The following PLB1 variants were observed in gnomAD, a reference collection of about 807,000 sequenced individuals.
PLB1 encodes the protein phospholipase B1, also known as phospholipase B1, membrane-associated.
In PLB1, 242 loss-of-function variants were observed where a neutral mutation model predicts 227.4. The ratio of observed to expected loss-of-function variants is 1.06; its 90% CI spans 0.96 to 1.18. PLB1 has a LOEUF of 1.18. PLB1 is among the 50% of genes most tolerant of loss of function. The pLI, the probability that PLB1 is intolerant of heterozygous loss-of-function variation, is 0.00. For synonymous variants in PLB1, 757 were observed against 682.2 expected (o/e 1.11, Z -1.71); for missense variants, 1,858 against 1,816.3 (o/e 1.02, Z -0.42).
intron 18 of PLB1, among the ~76,000 whole-genome samples, chr2:28,563,673 C>T (rs1676399092): frequency 6.6e-6 from 1 of 152,072 alleles, no homozygotes; most frequent in Non-Finnish European, 1.5e-5. Context: ...CATCCCAGAC[C>T]CTGCAAAGCA....
intron 1 of PLB1, among the ~76,000 whole-genome samples, chr2:28,508,808 C>T (rs1667914369): frequency 6.6e-6 from 1 of 152,158 alleles, no homozygotes; most frequent in Admixed American, 6.5e-5. Flanking sequence ...GGTCATAAAC[C>T]CTGCCCCTAA....
rs1686910600 is a variant in PLB1, at chr2:28,620,637, C to A, written c.3421C>A (p.Leu1141Met). 3.1e-6 allele frequency: 5 copies of A among 1,613,998 alleles called. No homozygotes were observed. The African/African-American group carries it at 5.3e-5, about 17-fold the overall frequency. ...TGGGAACTTGGAGACTCACACCACA[C>A]TGCCCAGTAAGTAGCAGCCCAGAGA... ...GDGNLETHTT[L>M]PNILKKFNPY... Residue 1141 changes from leucine to methionine, a missense_variant, in exon 48 of 58, where the codon CTG (leucine) becomes ATG (methionine). Physicochemically the swap from Leu to Met is conservative, Grantham distance 15. Coordinates refer to ENST00000327757, the MANE Select transcript of PLB1 (RefSeq NM_153021.5).
chr2:28,607,139 T>G (rs1684793886), intron 43 of PLB1, among the ~76,000 whole-genome samples: 1 of 152,166 alleles, frequency 6.6e-6, no homozygotes. Context: ...AAGTGGTTGT[T>G]AAGCTTGACT....
intron 14 of PLB1, among the ~76,000 whole-genome samples, chr2:28,547,815 A>G (rs1471323662): frequency 1.3e-5 from 2 of 151,676 alleles, no homozygotes; most frequent in African/African-American, 4.9e-5. Flanking sequence ...AAGTGTTTAT[A>G]TATGTATAAT....
chr2:28,588,260 T>G (rs1681258504), intron 26 of PLB1, among the ~76,000 whole-genome samples: 1 of 152,150 alleles, frequency 6.6e-6, no homozygotes, highest in Non-Finnish European at 1.5e-5. Flanking sequence ...GAGTAACCAG[T>G]AGCGTTGGAA....
chr2:28,528,941 CTTTTTTTTTTTTT>C (rs201087238), intron 6 of PLB1, among the ~76,000 whole-genome samples: 28 of 109,432 alleles, frequency 2.6e-4, no homozygotes, highest in African/African-American at 9.6e-4. Context: ...GGGAGTCAGT[CTTTTTTTTTTTTT>C]TTTTTTTTTT....
In PLB1 at chr2:28,608,352, C is replaced by T. The variant is rs570835636; in HGVS notation, c.3129+1785C>T. 6.6e-5 allele frequency among the ~76,000 whole-genome samples: 10 copies of T among 152,346 alleles called. No homozygotes were observed. The South Asian group carries it at 1.9e-3, about 28-fold the overall frequency. ...CATCTCAGTGTGAGCTGACAGGGGC[C>T]AGGCAGCACCTATTTTTGTCCTAGA... On this transcript the variant is annotated intron_variant, in intron 43 of 57. Coordinates refer to ENST00000327757, the MANE Select transcript of PLB1 (RefSeq NM_153021.5).
intron 1 of PLB1, among the ~76,000 whole-genome samples, chr2:28,511,802 T>TTTTTTTTTTTTATGGG (rs1668293619): frequency 6.6e-6 from 1 of 151,142 alleles, no homozygotes; most frequent in African/African-American, 2.4e-5. Flanking sequence ...TTTTTTTTTT[T>TTTTTTTTTTTTATGGG]GAGATGGAGT....
chr2:28,589,470 T>C lies in PLB1; in HGVS notation c.1836T>C (p.Ile612=). 1 of 1,613,838 alleles carries C rather than the reference T, an allele frequency of 6.2e-7. No homozygotes were observed. Among genetic ancestry groups the C allele is most frequent in the East Asian group, 2.2e-5 (1 of 44,874 alleles). Residue 612 remains isoleucine, a synonymous_variant, in exon 27 of 58, where the codon ATT becomes ATC. Transcript: ENST00000327757. Reference sequence around the variant, plus strand: ...TGCAGGAGAAGACCCACCAACTGATTGAGAGTGGGCGATATGACACAAGGG... The same window carrying C: ...TGCAGGAGAAGACCCACCAACTGATCGAGAGTGGGCGATATGACACAAGGG... ...KKFQEKTHQL[I]ESGRYDTRED...
intron 37 of PLB1, among the ~76,000 whole-genome samples, chr2:28,601,651 G>A (rs1452777326): frequency 6.6e-6 from 1 of 152,192 alleles, no homozygotes; most frequent in African/African-American, 2.4e-5. Context: ...ATTGGAAGGA[G>A]GAGTCTCCAC....
chr2:28,625,186 C>A, intron 50 of PLB1, 78 bp downstream of exon 50: 2 of 1,350,908 alleles, frequency 1.5e-6, no homozygotes, highest in Non-Finnish European at 2.1e-6. Context: ...CCATAAGGGT[C>A]CCTCTCACCA....
intron 56 of PLB1, among the ~76,000 whole-genome samples, chr2:28,635,983 T>C (rs115088531): frequency 2.6e-5 from 4 of 151,792 alleles, no homozygotes; most frequent in African/African-American, 4.8e-5. Context: ...TTCAGGGACA[T>C]TGTGTATGTG....
At chr2:28,619,451 AG>A (rs1686680533) in intron 46 of PLB1, among the ~76,000 whole-genome samples, 1 of 150,710 alleles carries the variant, frequency 6.6e-6, no homozygotes, top group Non-Finnish European at 1.5e-5. Flanking sequence ...TTCTTAAGGT[AG>A]GGGTAGATTA....
chr2:28,548,726 T>G, intron 14 of PLB1, 134 bp from the exon 15 acceptor site: 1 of 798,944 alleles, frequency 1.3e-6, no homozygotes, highest in Non-Finnish European at 2.1e-6. Context: ...AGTTTGGGGA[T>G]GGGGGCTGGA....
At chr2:28,530,591 C>T (rs545118431) in intron 8 of PLB1, among the ~76,000 whole-genome samples, 2 of 152,202 alleles carry the variant, frequency 1.3e-5, no homozygotes, top group East Asian at 1.9e-4. Context: ...CCTAACAGTT[C>T]GTATACTATT....
At position 28,590,011 on chromosome 2, in the gene PLB1, C is replaced by A. The variant is rs751363350; in HGVS notation, c.2023C>A (p.Pro675Thr). The A allele has an allele frequency of 1.2e-6, 2 of 1,613,398 alleles. No individual in the cohort carries two copies. The highest frequency in any genetic ancestry group is 1.1e-5 in the South Asian group (1 of 91,064). ...ASALWNNMLE[P>T]VGQKTTRHKF... ...TCCCTGCTTCTTTGTTTAGCTGGAG[C>A]CTGTTGGCCAGAAGACGACTCGTCA... The change falls in exon 29 of 58, where the codon CCT becomes ACT. Residue 675 changes from proline (P) to threonine (T), a missense_variant. By Grantham distance (38) the Pro-to-Thr change is conservative. Transcript: ENST00000327757.
At chr2:28,615,222 C>T (rs967753421) in intron 44 of PLB1, among the ~76,000 whole-genome samples, 2 of 151,996 alleles carry the variant, frequency 1.3e-5, no homozygotes, top group African/African-American at 4.8e-5. Flanking sequence ...GTCAGAGTGG[C>T]TGGGGGCATG....
At chr2:28,632,743 G>A (rs910302911) in intron 55 of PLB1, among the ~76,000 whole-genome samples, 16 of 151,788 alleles carry the variant, frequency 1.1e-4, no homozygotes, top group Non-Finnish European at 1.5e-4. Flanking sequence ...CTGACAGTGC[G>A]AAACTCCGTC....
In PLB1 at chr2:28,638,882, G is replaced by A. The variant is rs928658132; in HGVS notation, c.4099-2045G>A. Among the ~76,000 whole-genome samples the A allele has an allele frequency of 9.3e-5, 14 of 150,198 alleles. 1 individual carries two copies. In the Middle Eastern group the frequency reaches 0.01, roughly 111 times the overall value. On this transcript the variant is annotated intron_variant, in intron 56 of 57. Coordinates refer to ENST00000327757, the MANE Select transcript of PLB1 (RefSeq NM_153021.5). ...GTTATTAGCATAGAGGGCCAATATG[G>A]TGAAACCCTGTCTCTACTGAAAATA...
Sources: allele counts gnomAD v4.1 joint callset (sites outside exome capture counted in the v4.1 genomes callset), GRCh38; gene constraint gnomAD v4.1.1; transcripts MANE v1.5; gene names NCBI Gene and HGNC (gene_info 2026-07-23, HGNC 2026-07-21).